SYT16: variants seen among roughly 807,000 people sequenced by gnomAD.
SYT16 encodes synaptotagmin-16.
SYT16 carries 42 observed loss-of-function variants against 61.4 expected under a neutral mutation model. The observed-to-expected ratio is 0.68, with a 90% CI of 0.53 to 0.89. SYT16 has a LOEUF of 0.89. SYT16 is among the 40% of genes least tolerant of loss of function. The pLI, the probability that SYT16 is intolerant of heterozygous loss-of-function variation, is 0.00. For missense variants in SYT16, 804 were observed against 807.3 expected (o/e 1.00, Z 0.05); for synonymous variants, 314 against 302.3 (o/e 1.04, Z -0.40).
chr14:62,037,225 A>G (rs1000642079), intron 3 of SYT16, among the ~76,000 whole-genome samples: 3 of 152,022 alleles, frequency 2.0e-5, no homozygotes, highest in African/African-American at 4.8e-5. Flanking sequence ...TAGTTATGGC[A>G]GGATTCCTGT....
chr14:62,015,976 C>G (rs1220405826), intron 3 of SYT16, among the ~76,000 whole-genome samples: 1 of 152,170 alleles, frequency 6.6e-6, no homozygotes, highest in Non-Finnish European at 1.5e-5. Flanking sequence ...TGAGTCCTTC[C>G]CCCAGGATAG....
At chr14:61,892,687 G>T (rs190667051) in intron 1 of SYT16, among the ~76,000 whole-genome samples, 134 of 152,282 alleles carry the variant, frequency 8.8e-4, no homozygotes, top group African/African-American at 3.1e-3. Context: ...TAGAACCGAT[G>T]GGGGGTGGTG....
chr14:62,002,648 C>T (rs190465643), intron 3 of SYT16, among the ~76,000 whole-genome samples: 9 of 152,148 alleles, frequency 5.9e-5, no homozygotes, highest in African/African-American at 1.9e-4. Context: ...AGTGGTCTGA[C>T]CCCAGGAGTT....
chr14:62,044,858 T>G (rs946308762), intron 3 of SYT16, among the ~76,000 whole-genome samples: 5 of 152,138 alleles, frequency 3.3e-5, no homozygotes, highest in African/African-American at 2.4e-5. Context: ...ATAAATTTTG[T>G]GGAGAGTGCA....
intron 1 of SYT16, among the ~76,000 whole-genome samples, chr14:61,958,532 C>T (rs571392759): frequency 6.6e-6 from 1 of 151,650 alleles, no homozygotes; most frequent in East Asian, 1.9e-4. Context: ...TAATTATTTG[C>T]GTGTATTATT....
intron 3 of SYT16, among the ~76,000 whole-genome samples, chr14:62,050,289 C>T (rs969514679): frequency 7.2e-5 from 11 of 152,212 alleles, no homozygotes; most frequent in African/African-American, 2.2e-4. Flanking sequence ...GTGCATTCGT[C>T]ACATAGTTCT....
At chr14:61,817,035 A>AAG in intron 1 of SYT16, among the ~76,000 whole-genome samples, 1 of 148,526 alleles carries the variant, frequency 6.7e-6, no homozygotes, top group African/African-American at 2.5e-5. Context: ...ACACAAAAAA[A>AAG]GCATTTTCCC....
chr14:62,075,018 T>C, intron 4 of SYT16, 117 bp from the exon 5 acceptor site: 1 of 1,098,362 alleles, frequency 9.1e-7, no homozygotes, highest in African/African-American at 1.6e-5. Flanking sequence ...GCAGGTATTA[T>C]TGGTATGGGT....
intron 1 of SYT16, among the ~76,000 whole-genome samples, chr14:61,966,747 A>G (rs559535726): frequency 6.6e-6 from 1 of 152,344 alleles, no homozygotes; most frequent in Non-Finnish European, 1.5e-5. Context: ...TTCTGCTTAT[A>G]CATGAATCCT....
intron 1 of SYT16, among the ~76,000 whole-genome samples, chr14:61,945,813 G>A (rs1300475888): frequency 4.8e-5 from 6 of 124,646 alleles, no homozygotes; most frequent in Non-Finnish European, 9.5e-5. Context: ...CCGAGATCAC[G>A]CCACTGCACT....
intron 1 of SYT16, among the ~76,000 whole-genome samples, chr14:61,944,409 A>G (rs1253079308): frequency 6.6e-6 from 1 of 152,240 alleles, no homozygotes; most frequent in Non-Finnish European, 1.5e-5. Context: ...GAACCAAAAA[A>G]GAGCCCATAT....
chr14:61,947,666 A>T (rs2140467318), intron 1 of SYT16, among the ~76,000 whole-genome samples: 1 of 152,322 alleles, frequency 6.6e-6, no homozygotes, highest in African/African-American at 2.4e-5. Context: ...ATCTATTAGG[A>T]TTAAGGCATC....
At chr14:62,073,448 A>T (rs995554868) in intron 4 of SYT16, among the ~76,000 whole-genome samples, 1 of 152,156 alleles carries the variant, frequency 6.6e-6, no homozygotes, top group East Asian at 1.9e-4. Context: ...AGGTTTTTGC[A>T]TGTGGATTTT....
At chr14:61,922,442 A>G (rs973149973) in intron 1 of SYT16, among the ~76,000 whole-genome samples, 3 of 152,198 alleles carry the variant, frequency 2.0e-5, no homozygotes, top group African/African-American at 7.2e-5. Flanking sequence ...CAGAAAACCA[A>G]ATACTGCATC....
At chr14:61,883,451 C>T (rs1286323619) in intron 1 of SYT16, among the ~76,000 whole-genome samples, 1 of 152,172 alleles carries the variant, frequency 6.6e-6, no homozygotes, top group Admixed American at 6.5e-5. Context: ...CTAAAGCATA[C>T]CAAGAGCGAC....
At chr14:62,062,813 C>G (rs191839405) in intron 3 of SYT16, among the ~76,000 whole-genome samples, 1 of 152,126 alleles carries the variant, frequency 6.6e-6, no homozygotes, top group Non-Finnish European at 1.5e-5. Context: ...GGGTACTGCA[C>G]CACTGAGCAC....
intron 7 of SYT16, among the ~76,000 whole-genome samples, chr14:62,098,995 A>G (rs146905015): frequency 6.5e-4 from 99 of 152,018 alleles, no homozygotes; most frequent in African/African-American, 2.3e-3. Flanking sequence ...GAGACAGGGA[A>G]AAAGAACAAA....
chr14:61,922,009 G>A (rs2049350736), intron 1 of SYT16, among the ~76,000 whole-genome samples: 1 of 152,178 alleles, frequency 6.6e-6, no homozygotes, highest in Admixed American at 6.5e-5. Flanking sequence ...TCTAAAATGA[G>A]AGTATCTGGC....
chr14:62,086,846 A>G (rs1044102227), intron 7 of SYT16, among the ~76,000 whole-genome samples: 1 of 152,224 alleles, frequency 6.6e-6, no homozygotes, highest in Non-Finnish European at 1.5e-5. Context: ...GACATGTTGT[A>G]TCTTTGCAAC....
Sources: gnomAD v4.1 joint callset for allele counts (sites outside exome capture counted in the v4.1 genomes callset) on GRCh38, gnomAD v4.1.1 for gene constraint, MANE v1.5 for transcripts, NCBI Gene and HGNC (gene_info 2026-07-23, HGNC 2026-07-21) for gene names.